FAM120A: variants seen among roughly 807,000 people sequenced by gnomAD.
The protein encoded by FAM120A is constitutive coactivator of PPAR-gamma-like protein 1.
In FAM120A, 15 loss-of-function variants were observed where a neutral mutation model predicts 109.7. The observed-to-expected ratio is 0.14, with a 90% CI of 0.09 to 0.21. FAM120A has a LOEUF of 0.21. Among genes scored for constraint, FAM120A ranks in the 10% least tolerant of loss-of-function variants. FAM120A has a pLI of 1.00. For synonymous variants in FAM120A, 493 were observed against 572.8 expected (o/e 0.86, Z 1.99); for missense variants, 899 against 1,439.3 (o/e 0.62, Z 6.07).
intron 1 of FAM120A, among the ~76,000 whole-genome samples, chr9:93,456,468 G>T (rs951047901): frequency 3.9e-5 from 6 of 152,178 alleles, no homozygotes; most frequent in African/African-American, 1.4e-4. Flanking sequence ...AATTTTCATG[G>T]TTAGCATAAT....
At chr9:93,462,085 G>A (rs1328313183) in intron 1 of FAM120A, among the ~76,000 whole-genome samples, 3 of 152,160 alleles carry the variant, frequency 2.0e-5, no homozygotes, top group African/African-American at 7.2e-5. Flanking sequence ...CCTAATTGTC[G>A]TTAATCAAAG....
At chr9:93,511,512 G>A (rs1023791744) in intron 5 of FAM120A, among the ~76,000 whole-genome samples, 7 of 152,206 alleles carry the variant, frequency 4.6e-5, no homozygotes, top group Non-Finnish European at 7.3e-5. Context: ...GTGCTCCAAG[G>A]CCCCACCCTG....
In FAM120A at chr9:93,543,599, C is replaced by T. The variant is rs1186495568; in HGVS notation, c.2159+128C>T. The T allele has an allele frequency of 4.9e-6, 6 of 1,216,152 alleles. No homozygotes were observed. The Admixed American group carries it at 1.2e-4, about 24-fold the overall frequency. The allele number at this position is 1,216,152 out of a possible 1,614,324, so 75.3% of individuals were successfully genotyped here. On this transcript the variant is annotated intron_variant, in intron 11 of 17. Transcript: ENST00000277165. The stretch of plus-strand genomic sequence containing the variant: ...GATCAATCATGTTGAAATTTATTGT[C>T]ATCCCATATTTATATATGTGATAGA...
intron 3 of FAM120A, among the ~76,000 whole-genome samples, chr9:93,490,299 G>A (rs954333090): frequency 1.3e-5 from 2 of 152,160 alleles, no homozygotes; most frequent in African/African-American, 4.8e-5. Flanking sequence ...AGACACTTTG[G>A]GAGCAGTGGC....
rs1208464223 is a variant in FAM120A at position 93,550,586 on chromosome 9, G to A, written c.2169G>A (p.Val723=). Residue 723 remains valine, a synonymous_variant, in exon 12 of 18, where the codon GTG becomes GTA. Transcript: ENST00000277165. The part of the protein sequence containing the change: ...MVLCCVLRYM[V]QWPGARILRR... ...TTCTGCCCCTCACCAGGTACATGGT[G>A]CAGTGGCCGGGAGCACGCATCCTTC... 3 of 1,613,540 alleles carry A rather than the reference G, an allele frequency of 1.9e-6. No homozygotes were observed. The highest frequency in any genetic ancestry group is 1.7e-6 in the Non-Finnish European group (2 of 1,179,868).
Position 93,540,907 on chromosome 9 carries a change from A to C in FAM120A, c.1910-2315A>C, listed in dbSNP as rs1861674473. 2.0e-5 allele frequency among the ~76,000 whole-genome samples: 3 copies of C among 152,190 alleles called. No homozygotes were observed. In the South Asian group the frequency reaches 6.2e-4, roughly 32 times the overall value. ...AATGATTGCTAAAATGATTAAAGAG[A>C]GGCGAGAACAGAGCCGATGAAAGGG... is the stretch of plus-strand genomic sequence containing the variant. On this transcript the variant is annotated intron_variant, in intron 10 of 17. Coordinates refer to ENST00000277165, the MANE Select transcript of FAM120A (RefSeq NM_014612.5).
At chr9:93,486,011 T>C (rs1859032814) in intron 3 of FAM120A, among the ~76,000 whole-genome samples, 1 of 152,204 alleles carries the variant, frequency 6.6e-6, no homozygotes, top group African/African-American at 2.4e-5. Flanking sequence ...AACTGTGTCC[T>C]ACTCTGGAGT....
chr9:93,471,425 G>T, intron 2 of FAM120A, 38 bp downstream of exon 2: 1 of 1,609,946 alleles, frequency 6.2e-7, no homozygotes, highest in South Asian at 1.1e-5. Flanking sequence ...ATAAGGGAGT[G>T]ACCATATGAT....
chr9:93,480,482 C>G (rs1858751435), intron 3 of FAM120A, among the ~76,000 whole-genome samples: 3 of 152,128 alleles, frequency 2.0e-5, no homozygotes, highest in African/African-American at 7.2e-5. Context: ...ACAGAGCAGG[C>G]TGGGCCAGGA....
Position 93,462,583 on chromosome 9 carries a change from C to T in FAM120A, c.475-8558C>T, listed in dbSNP as rs145859781. ...AGGTGTGAGCCACCACGCCTGTCCC[C>T]GGTGGCATTAAGTATATTCACATTG... On this transcript the variant is annotated intron_variant, in intron 1 of 17. Coordinates refer to ENST00000277165, the MANE Select transcript of FAM120A (RefSeq NM_014612.5). Among the ~76,000 whole-genome samples the T allele has an allele frequency of 5.7e-3, 871 of 152,286 alleles. 5 individuals are homozygous for T. Among genetic ancestry groups the T allele is most frequent in the Non-Finnish European group, 0.011 (726 of 68,014 alleles).
At chr9:93,527,729 T>G (rs1372138733) in intron 8 of FAM120A, among the ~76,000 whole-genome samples, 1 of 143,496 alleles carries the variant, frequency 7.0e-6, no homozygotes, top group African/African-American at 2.5e-5. Context: ...TTCAAGCAAT[T>G]CTCCTGGCTC....
intron 5 of FAM120A, among the ~76,000 whole-genome samples, chr9:93,509,892 C>T (rs749538007): frequency 3.3e-5 from 5 of 152,180 alleles, no homozygotes; most frequent in Non-Finnish European, 5.9e-5. Flanking sequence ...ATTTTCTCAC[C>T]TCATACATAT....
At chr9:93,485,844 T>A (rs1859023405) in intron 3 of FAM120A, among the ~76,000 whole-genome samples, 1 of 152,086 alleles carries the variant, frequency 6.6e-6, no homozygotes, top group African/African-American at 2.4e-5. Context: ...CTTCTGTCTC[T>A]ATGGATTTGC....
intron 17 of FAM120A, among the ~76,000 whole-genome samples, chr9:93,562,668 T>TTC (rs1015327567): frequency 6.8e-6 from 1 of 147,458 alleles, no homozygotes; most frequent in African/African-American, 2.5e-5. Context: ...TCTTTTTCTT[T>TTC]TTTTTTTTTT....
intron 3 of FAM120A, among the ~76,000 whole-genome samples, chr9:93,481,559 A>G (rs183980754): frequency 1.1e-4 from 16 of 152,244 alleles, no homozygotes; most frequent in African/African-American, 3.6e-4. Context: ...CCTTAACTTC[A>G]TATTCAATTT....
intron 7 of FAM120A, among the ~76,000 whole-genome samples, chr9:93,517,209 GTTTA>G (rs1375946020): frequency 1.3e-5 from 2 of 152,226 alleles, no homozygotes; most frequent in Non-Finnish European, 2.9e-5. Context: ...TGCATACCCT[GTTTA>G]TAGCAGAGAA....
Position 93,452,179 on chromosome 9 carries a change from C to T in FAM120A, c.264C>T (p.Gly88=). 6.2e-7 allele frequency: 1 copy of T among 1,612,040 alleles called. No individual in the cohort carries two copies. The highest frequency in any genetic ancestry group is 8.5e-7 in the Non-Finnish European group (1 of 1,179,820). The change falls in exon 1 of 18, where the codon GGC becomes GGT. Residue 88 remains glycine, a synonymous_variant. Transcript: ENST00000277165. The surrounding 1 kb of genome is among the most constrained non-coding windows in gnomAD (Gnocchi z 7.0). ...CGCTGGCCAAGGCCTGCTTCGGCGG[C>T]AACATCGAGCTCTTCGTCTTCTTCA... ...LAALAKACFG[G]NIELFVFFNG...
At chr9:93,471,511 G>A (rs1858313517) in intron 2 of FAM120A, 124 bp downstream of exon 2, 4 of 1,212,916 alleles carry the variant, frequency 3.3e-6, no homozygotes, top group Non-Finnish European at 1.2e-6. Flanking sequence ...GAACCAAGGC[G>A]TGGGCTCTTC....
chr9:93,455,590 A>G (rs1182224861), intron 1 of FAM120A, among the ~76,000 whole-genome samples: 1 of 152,238 alleles, frequency 6.6e-6, no homozygotes, highest in East Asian at 1.9e-4. Context: ...AAAAACTTTA[A>G]GCATCTTATT....
Sources: gnomAD v4.1 joint callset for allele counts (sites outside exome capture counted in the v4.1 genomes callset) on GRCh38, gnomAD v4.1.1 for gene constraint, Gnocchi (gnomAD v3.1) non-coding constraint, MANE v1.5 for transcripts, NCBI Gene and HGNC (gene_info 2026-07-23, HGNC 2026-07-21) for gene names.